The following BABAM2 variants were observed in gnomAD, a reference collection of about 807,000 sequenced individuals.
The protein encoded by BABAM2 is BRISC and BRCA1 A complex member 2.
In BABAM2, 31 loss-of-function variants were observed where a neutral mutation model predicts 54.7. The observed-to-expected ratio is 0.57, with a 90% CI of 0.43 to 0.77. BABAM2 has a LOEUF of 0.77. Ranked by LOEUF, BABAM2 falls within the 30% of genes least tolerant of loss-of-function variation. The pLI is 0.00. For missense variants in BABAM2, 364 were observed against 455.8 expected (o/e 0.80, Z 1.83); for synonymous variants, 167 against 162.9 (o/e 1.03, Z -0.19).
chr2:28,236,257 G>A (rs1403198299), intron 7 of BABAM2, among the ~76,000 whole-genome samples: 3 of 151,804 alleles, frequency 2.0e-5, no homozygotes, highest in African/African-American at 7.3e-5. Flanking sequence ...AAGATGAAGG[G>A]TGATAAATGA....
At chr2:28,298,572 G>C (rs895936199) in intron 11 of BABAM2, 81 bp downstream of exon 11, 12 of 1,528,158 alleles carry the variant, frequency 7.9e-6, no homozygotes, top group South Asian at 1.2e-5. Context: ...ACTGCTTGCA[G>C]GTTAGTTCCT....
At chr2:28,070,573 G>A (rs1474330359) in intron 6 of BABAM2, among the ~76,000 whole-genome samples, 2 of 134,968 alleles carry the variant, frequency 1.5e-5, no homozygotes, top group East Asian at 2.0e-4. Context: ...TTTTTGAGAC[G>A]GAGTCTCGCT....
Position 27,927,814 on chromosome 2 carries a change from A to G in BABAM2, c.129-2018A>G, listed in dbSNP as rs542270600. The stretch of plus-strand genomic sequence containing the variant: ...AATAATCAACTTAGTGATTTATGTT[A>G]AACATACCCTTGTTAAAGTTTCTGT... On this transcript the variant is annotated intron_variant, in intron 2 of 11. Coordinates refer to ENST00000379624, the MANE Select transcript of BABAM2 (RefSeq NM_199191.3). Among the ~76,000 whole-genome samples, 4 of 151,646 alleles carry G rather than the reference A, an allele frequency of 2.6e-5. No homozygotes were observed. The South Asian group carries it at 8.3e-4, about 32-fold the overall frequency.
intron 3 of BABAM2, among the ~76,000 whole-genome samples, chr2:27,938,538 C>T (rs1352407863): frequency 5.3e-5 from 8 of 151,858 alleles, no homozygotes; most frequent in South Asian, 2.1e-4. Context: ...ACTACAGGCA[C>T]GTGTCACAAC....
chr2:28,121,017 T>C, intron 6 of BABAM2, among the ~76,000 whole-genome samples: 1 of 152,216 alleles, frequency 6.6e-6, no homozygotes. Context: ...CATTTCCGTT[T>C]GGAGGAACCA....
intron 7 of BABAM2, among the ~76,000 whole-genome samples, chr2:28,138,963 A>G (rs892524464): frequency 1.1e-4 from 17 of 152,268 alleles, no homozygotes; most frequent in Non-Finnish European, 2.1e-4. Context: ...AGGACAGACC[A>G]TGCAGGAAAA....
rs568747292 is a variant in BABAM2, at chr2:28,094,275, G to A, written c.571-34996G>A. On this transcript the variant is annotated intron_variant, in intron 6 of 11. Coordinates refer to ENST00000379624, the MANE Select transcript of BABAM2 (RefSeq NM_199191.3). ...TACAATAAATGCTTTATTCAGAGAT[G>A]TTTTTGGTCTTGTTCGTGGCTGTGT... 4.6e-5 allele frequency among the ~76,000 whole-genome samples: 7 copies of A among 152,206 alleles called. No homozygotes were observed. The East Asian group carries it at 1.2e-3, about 25-fold the overall frequency.
intron 7 of BABAM2, among the ~76,000 whole-genome samples, chr2:28,206,627 C>T (rs900126047): frequency 6.6e-6 from 1 of 152,114 alleles, no homozygotes; most frequent in African/African-American, 2.4e-5. Flanking sequence ...GTCTTTCCTT[C>T]GGCACATTCC....
At chr2:28,106,939 T>C (rs1667578080) in intron 6 of BABAM2, among the ~76,000 whole-genome samples, 1 of 152,228 alleles carries the variant, frequency 6.6e-6, no homozygotes, top group South Asian at 2.1e-4. Context: ...TTCATACTGA[T>C]ACCTCCAATT....
chr2:28,154,957 G>C (rs1001543097), intron 7 of BABAM2, among the ~76,000 whole-genome samples: 1 of 152,080 alleles, frequency 6.6e-6, no homozygotes, highest in African/African-American at 2.4e-5. Flanking sequence ...GTATCTCCGT[G>C]CTATTCCTAC....
At chr2:27,895,671 A>G (rs1665237995) in intron 2 of BABAM2, among the ~76,000 whole-genome samples, 1 of 152,112 alleles carries the variant, frequency 6.6e-6, no homozygotes, top group Non-Finnish European at 1.5e-5. Flanking sequence ...GACTTTGCCA[A>G]TACCCGGTTT....
chr2:28,126,000 C>A (rs1474139894), intron 6 of BABAM2, among the ~76,000 whole-genome samples: 4 of 152,130 alleles, frequency 2.6e-5, no homozygotes, highest in African/African-American at 9.7e-5. Flanking sequence ...TAGTTTGAAG[C>A]TACCTACACA....
intron 11 of BABAM2, among the ~76,000 whole-genome samples, chr2:28,320,062 C>G (rs1689899303): frequency 1.3e-5 from 2 of 152,152 alleles, no homozygotes; most frequent in Non-Finnish European, 2.9e-5. Context: ...GATCCGATTT[C>G]CACCACTCAA....
chr2:28,315,115 GGGGAA>G (rs1310629752), intron 11 of BABAM2, among the ~76,000 whole-genome samples: 2 of 135,730 alleles, frequency 1.5e-5, no homozygotes, highest in East Asian at 2.0e-4. Context: ...GAGGGGAAAA[GGGGAA>G]GGGAAGGGAG....
At chr2:27,943,877 T>G (rs1386410025) in intron 3 of BABAM2, among the ~76,000 whole-genome samples, 1 of 152,132 alleles carries the variant, frequency 6.6e-6, no homozygotes, top group South Asian at 2.1e-4. Flanking sequence ...AAGTAAAGAG[T>G]GCTAATTTTC....
intron 6 of BABAM2, among the ~76,000 whole-genome samples, chr2:28,083,987 C>G (rs1408142514): frequency 6.6e-6 from 1 of 152,178 alleles, no homozygotes; most frequent in Non-Finnish European, 1.5e-5. Context: ...TTATTATACA[C>G]TTGGTTCTAA....
chr2:28,022,231 A>G (rs577789660), intron 4 of BABAM2, among the ~76,000 whole-genome samples: 1 of 152,350 alleles, frequency 6.6e-6, no homozygotes, highest in African/African-American at 2.4e-5. Context: ...AAAGTAAACA[A>G]TTCAAAATTA....
At chr2:28,020,436 A>G (rs1675163409) in intron 4 of BABAM2, among the ~76,000 whole-genome samples, 1 of 152,216 alleles carries the variant, frequency 6.6e-6, no homozygotes, top group African/African-American at 2.4e-5. Flanking sequence ...AAATACAGAA[A>G]AACAGGAAGA....
In BABAM2 at chr2:28,270,565, G is replaced by C. The variant is rs535990919; in HGVS notation, c.934+25703G>C. Among the ~76,000 whole-genome samples the C allele has an allele frequency of 7.0e-4, 106 of 152,334 alleles. 1 individual carries two copies. Among genetic ancestry groups the C allele is most frequent in the African/African-American group, 2.3e-3 (97 of 41,578 alleles). ...AGAGTTATGGCTGCTGCTGCTATTG[G>C]TCGTGTATTTGACTGTACCTGAACC... On this transcript the variant is annotated intron_variant, in intron 10 of 11. Transcript: ENST00000379624.
Sources: gnomAD v4.1 joint callset for allele counts (sites outside exome capture counted in the v4.1 genomes callset) on GRCh38, gnomAD v4.1.1 for gene constraint, MANE v1.5 for transcripts, NCBI Gene and HGNC (gene_info 2026-07-23, HGNC 2026-07-21) for gene names.